The following COL25A1 variants were observed in gnomAD, a reference collection of about 807,000 sequenced individuals.
The protein encoded by COL25A1 is collagen type XXV alpha 1 chain.
Under a neutral mutation model 128.4 loss-of-function variants are expected in COL25A1, and 103 were observed. The ratio of observed to expected loss-of-function variants is 0.80; its 90% confidence interval spans 0.68 to 0.94. COL25A1 has a LOEUF of 0.94. COL25A1 is among the 40% of genes least tolerant of loss of function. The pLI is 0.00. For missense variants in COL25A1, 745 were observed against 840.0 expected, an observed-to-expected ratio of 0.89 and a Z score of 1.40; for synonymous variants, 279 against 277.2, an observed-to-expected ratio of 1.01 and a Z score of -0.06.
At chr4:109,002,674 G>T (rs755470468) in intron 6 of COL25A1, among the ~76,000 whole-genome samples, 2 of 152,124 alleles carry the variant, frequency 1.3e-5, no homozygotes, top group African/African-American at 2.4e-5. Context: ...ATTGCACAAT[G>T]TATATGTATG....
At chr4:109,277,757 T>C (rs933151387) in intron 3 of COL25A1, among the ~76,000 whole-genome samples, 1 of 152,226 alleles carries the variant, frequency 6.6e-6, no homozygotes, top group African/African-American at 2.4e-5. Flanking sequence ...TTGAGTTTTC[T>C]GGCCCAATTA....
intron 3 of COL25A1, among the ~76,000 whole-genome samples, chr4:109,189,798 T>C (rs2126159651): frequency 6.6e-6 from 1 of 152,300 alleles, no homozygotes; most frequent in South Asian, 2.1e-4. Context: ...TCTGAATAAC[T>C]TGTAATTGTC....
At chr4:109,297,365 T>C (rs1405718543) in intron 3 of COL25A1, among the ~76,000 whole-genome samples, 2 of 152,154 alleles carry the variant, frequency 1.3e-5, no homozygotes, top group African/African-American at 2.4e-5. Flanking sequence ...CTACTTCTTT[T>C]TGTAAACATC....
chr4:108,835,194 T>C (rs1364633426), intron 31 of COL25A1, among the ~76,000 whole-genome samples: 3 of 152,250 alleles, frequency 2.0e-5, no homozygotes, highest in South Asian at 4.1e-4. Context: ...AAATAGCGTA[T>C]GATTAAACAA....
intron 14 of COL25A1, among the ~76,000 whole-genome samples, chr4:108,899,389 T>G (rs1686456828): frequency 2.0e-5 from 3 of 152,176 alleles, no homozygotes; most frequent in South Asian, 4.1e-4. Context: ...AATGTAATCT[T>G]AATTTTTTGC....
At chr4:109,250,788 C>A (rs1780592866) in intron 3 of COL25A1, among the ~76,000 whole-genome samples, 1 of 152,114 alleles carries the variant, frequency 6.6e-6, no homozygotes, top group African/African-American at 2.4e-5. Context: ...AATATTTAAC[C>A]AAGTATCTGG....
chr4:108,988,336 T>C (rs146848323), intron 6 of COL25A1, among the ~76,000 whole-genome samples: 270 of 152,334 alleles, frequency 1.8e-3, no homozygotes, highest in African/African-American at 6.1e-3. Context: ...CCAAAATTAG[T>C]ATTTTCTGAA....
chr4:109,255,176 T>C (rs893950223), intron 3 of COL25A1, among the ~76,000 whole-genome samples: 1 of 152,242 alleles, frequency 6.6e-6, no homozygotes, highest in Non-Finnish European at 1.5e-5. Context: ...AATATGAATA[T>C]GAATTTGTAA....
intron 8 of COL25A1, among the ~76,000 whole-genome samples, chr4:108,970,545 A>G (rs1188447690): frequency 4.6e-5 from 7 of 152,192 alleles, no homozygotes; most frequent in Non-Finnish European, 2.9e-5. Flanking sequence ...GTATTACCTC[A>G]CATCCTTATC....
intron 8 of COL25A1, among the ~76,000 whole-genome samples, chr4:108,972,415 A>G (rs1752007900): frequency 6.6e-6 from 1 of 152,178 alleles, no homozygotes; most frequent in South Asian, 2.1e-4. Flanking sequence ...TAGAACCTTC[A>G]TCTTACTATC....
At chr4:109,073,344 C>A (rs1763134355) in intron 3 of COL25A1, among the ~76,000 whole-genome samples, 1 of 152,156 alleles carries the variant, frequency 6.6e-6, no homozygotes, top group South Asian at 2.1e-4. Flanking sequence ...TAGAAATAAC[C>A]TCCATGATGG....
At chr4:108,917,539 G>T (rs763973089) in intron 13 of COL25A1, among the ~76,000 whole-genome samples, 3 of 152,158 alleles carry the variant, frequency 2.0e-5, no homozygotes, top group Non-Finnish European at 4.4e-5. Context: ...GGATGTTGAG[G>T]AGCTATGCTT....
intron 3 of COL25A1, among the ~76,000 whole-genome samples, chr4:109,120,865 C>T: frequency 6.6e-6 from 1 of 150,542 alleles, no homozygotes; most frequent in African/African-American, 2.4e-5. Context: ...GCACCCAAAA[C>T]AATAAAATAC....
intron 6 of COL25A1, among the ~76,000 whole-genome samples, chr4:109,002,346 G>C (rs1282733069): frequency 4.6e-5 from 7 of 152,148 alleles, no homozygotes; most frequent in African/African-American, 1.4e-4. Context: ...TAAAGAAACT[G>C]TGGTATACAT....
chr4:109,254,921 G>A (rs1053840706), intron 3 of COL25A1, among the ~76,000 whole-genome samples: 6 of 152,028 alleles, frequency 3.9e-5, no homozygotes, highest in Non-Finnish European at 8.8e-5. Context: ...AGCATTTATC[G>A]AGCTTCTACC....
At chr4:108,829,913 C>A (rs1482845222) in intron 32 of COL25A1, among the ~76,000 whole-genome samples, 1 of 152,174 alleles carries the variant, frequency 6.6e-6, no homozygotes, top group Admixed American at 6.5e-5. Flanking sequence ...CTGTTCTCTG[C>A]CAGTGTCTCA....
intron 3 of COL25A1, among the ~76,000 whole-genome samples, chr4:109,093,186 G>A (rs1310586407): frequency 1.3e-5 from 2 of 152,058 alleles, no homozygotes; most frequent in South Asian, 4.1e-4. Flanking sequence ...ACTTTAATAA[G>A]GCTTTGGAAA....
rs564214711 is a variant in COL25A1, at chr4:108,997,524, C to T, written c.438+12834G>A. The stretch of plus-strand genomic sequence containing the variant: ...AAAAGTCCAAGACCAGACGAATTCA[C>T]AGCCGAATTCTACCAGAGGTACAAA... On this transcript the variant is annotated intron_variant, in intron 6 of 37. Transcript: ENST00000399132. Among the ~76,000 whole-genome samples the T allele has an allele frequency of 2.6e-5, 4 of 152,264 alleles. No individual in the cohort carries two copies. In the East Asian group the frequency reaches 5.8e-4, roughly 22 times the overall value.
At chr4:108,993,860 C>CAAAAA (rs34070808) in intron 6 of COL25A1, among the ~76,000 whole-genome samples, 12 of 132,750 alleles carry the variant, frequency 9.0e-5, no homozygotes, top group Admixed American at 2.3e-4. Context: ...AACTCCATCT[C>CAAAAA]AAAAAAAAAA....
Sources: allele counts gnomAD v4.1 joint callset (sites outside exome capture counted in the v4.1 genomes callset), GRCh38; gene constraint gnomAD v4.1.1; transcripts MANE v1.5; gene names NCBI Gene and HGNC (gene_info 2026-07-23, HGNC 2026-07-21).